Variants in FKTN observed in about 807,000 individuals in gnomAD.
FKTN encodes the protein ribitol-5-phosphate transferase FKTN.
In FKTN, 47 loss-of-function variants were observed where a neutral mutation model predicts 58.6. The ratio of observed to expected loss-of-function variants is 0.80; its 90% CI spans 0.63 to 1.02. The LOEUF (loss-of-function observed/expected upper bound fraction) is 1.02. Among genes scored for constraint, FKTN ranks in the 50% least tolerant of loss-of-function variants. The pLI, the probability that FKTN is intolerant of heterozygous loss-of-function variation, is 0.00. For synonymous variants in FKTN, 178 were observed against 191.9 expected, an observed-to-expected ratio of 0.93 and a Z score of 0.60; for missense variants, 516 against 537.3, an observed-to-expected ratio of 0.96 and a Z score of 0.39.
At chr9:105,626,981 C>CTTTTTTTTTTTT (rs60710867) in intron 10 of FKTN, among the ~76,000 whole-genome samples, 1 of 128,026 alleles carries the variant, frequency 7.8e-6, no homozygotes, top group African/African-American at 3.0e-5. Context: ...CTTCTTTATT[C>CTTTTTTTTTTTT]TTTTTTTTTT....
intron 3 of FKTN, among the ~76,000 whole-genome samples, chr9:105,595,727 C>T (rs1826659254): frequency 6.6e-6 from 1 of 152,092 alleles, no homozygotes; most frequent in African/African-American, 2.4e-5. Context: ...GGACTTTGTC[C>T]CTCCCCTTGA....
In FKTN at chr9:105,608,393, G is replaced by T. The variant is rs112569399; in HGVS notation, c.780+442G>T. Reference sequence around the variant, plus strand: ...TTTTGCATTTATGAAGGTTTTTGAAGATAAATGCTACACAAAGACCAGGTG... The same window carrying T: ...TTTTGCATTTATGAAGGTTTTTGAATATAAATGCTACACAAAGACCAGGTG... On this transcript the variant is annotated intron_variant, in intron 7 of 10. Transcript: ENST00000357998. 6.9e-3 allele frequency among the ~76,000 whole-genome samples: 1,048 copies of T among 152,246 alleles called. 6 individuals carry two copies. The highest frequency in any genetic ancestry group is 0.01 in the Non-Finnish European group (709 of 68,002).
At chr9:105,565,685 C>A (rs1023175213) in intron 1 of FKTN, among the ~76,000 whole-genome samples, 2 of 152,126 alleles carry the variant, frequency 1.3e-5, no homozygotes. Context: ...CTTAGACTCC[C>A]ATACAATAAT....
chr9:105,560,640 T>G (rs545512504), intron 1 of FKTN, among the ~76,000 whole-genome samples: 4 of 152,248 alleles, frequency 2.6e-5, no homozygotes, highest in African/African-American at 9.6e-5. Context: ...ATTTTACATA[T>G]GTACATACAT....
intron 3 of FKTN, among the ~76,000 whole-genome samples, chr9:105,576,391 C>A (rs1425400932): frequency 1.3e-5 from 2 of 151,874 alleles, no homozygotes; most frequent in Non-Finnish European, 2.9e-5. Context: ...TTGTTCATTT[C>A]CCACCTATGA....
chr9:105,625,684 A>G (rs563553341), intron 10 of FKTN, among the ~76,000 whole-genome samples: 1 of 152,202 alleles, frequency 6.6e-6, no homozygotes, highest in African/African-American at 2.4e-5. Context: ...AAAATAACAT[A>G]TAAGTTTATA....
chr9:105,617,903 A>G (rs1588203475), intron 8 of FKTN, 56 bp from the exon 9 acceptor site: 1 of 1,092,012 alleles, frequency 9.2e-7, no homozygotes, highest in East Asian at 2.6e-5. Context: ...ATTTGTTATA[A>G]TAACTAATTT....
At chr9:105,592,941 T>C (rs1960023) in intron 3 of FKTN, among the ~76,000 whole-genome samples, 89,435 of 152,056 alleles carry the variant, frequency 0.59, 26,513 homozygotes, top group East Asian at 0.7. Context: ...AACTTTCCCT[T>C]TGCCTATTAC....
In FKTN at chr9:105,562,004, ATCTC is replaced by A. The variant is rs142602824; in HGVS notation, c.-181+3843_-181+3846del. 4.3e-3 allele frequency among the ~76,000 whole-genome samples: 644 copies of A among 151,018 alleles called. 3 individuals carry two copies. The highest frequency in any genetic ancestry group is 0.015 in the African/African-American group (615 of 41,040). On this transcript the variant is annotated intron_variant, in intron 1 of 10. Transcript: ENST00000357998. ...TTTATGCCTGCCAATCTGCTACATC[ATCTC>A]TCTAACTATACCTTTTCCTAATTAC...
chr9:105,604,384 GT>G lies in FKTN; in HGVS notation c.540del (p.Ser180ArgfsTer10). The stretch of plus-strand genomic sequence containing the variant: ...CACTTGGTAGTCTTTCATGAGAGGA[GT>G]GGCAACTACCTCTGGCACGGCCACT... ...AIHLVVFHER[S>X]GNYLWHGHLR... On this transcript the variant is annotated frameshift_variant, in exon 6 of 11. Transcript: ENST00000357998. LOFTEE classifies it high-confidence loss of function. The G allele has an allele frequency of 6.2e-7, 1 of 1,614,024 alleles. No homozygotes were observed. Among genetic ancestry groups the G allele is most frequent in the Non-Finnish European group, 8.5e-7 (1 of 1,179,872 alleles).
At chr9:105,629,171 G>A (rs923781442) in intron 10 of FKTN, among the ~76,000 whole-genome samples, 3 of 151,990 alleles carry the variant, frequency 2.0e-5, no homozygotes, top group African/African-American at 4.8e-5. Context: ...AGATAAGCCT[G>A]GGCAACATAG....
intron 3 of FKTN, among the ~76,000 whole-genome samples, chr9:105,576,433 T>C (rs1169947426): frequency 6.6e-6 from 1 of 151,774 alleles, no homozygotes; most frequent in Non-Finnish European, 1.5e-5. Context: ...TTTTTTGTTC[T>C]TACGATAGTT....
intron 4 of FKTN, among the ~76,000 whole-genome samples, chr9:105,599,758 C>A (rs1465199265): frequency 6.6e-6 from 1 of 152,148 alleles, no homozygotes; most frequent in African/African-American, 2.4e-5. Flanking sequence ...CCTGCCTTGA[C>A]CTCCCACAGT....
At chr9:105,587,283 C>T (rs1844082805) in intron 3 of FKTN, among the ~76,000 whole-genome samples, 1 of 151,876 alleles carries the variant, frequency 6.6e-6, no homozygotes, top group Non-Finnish European at 1.5e-5. Flanking sequence ...ATTTAGTAGC[C>T]TATGTATGTT....
intron 7 of FKTN, among the ~76,000 whole-genome samples, chr9:105,614,146 T>C (rs951278177): frequency 6.6e-6 from 1 of 152,168 alleles, no homozygotes; most frequent in Non-Finnish European, 1.5e-5. Flanking sequence ...GAAGTTTAGA[T>C]TTTGTCCCAC....
intron 1 of FKTN, among the ~76,000 whole-genome samples, chr9:105,566,327 CA>C (rs1411697139): frequency 2.6e-5 from 4 of 152,100 alleles, no homozygotes; most frequent in Non-Finnish European, 4.4e-5. Context: ...GATACAGACA[CA>C]AAAAACCCTT....
intron 9 of FKTN, among the ~76,000 whole-genome samples, chr9:105,619,115 T>A (rs1325316377): frequency 1.3e-5 from 2 of 151,938 alleles, no homozygotes; most frequent in East Asian, 3.9e-4. Context: ...TCATAAATAG[T>A]TATTTTATGT....
intron 1 of FKTN, among the ~76,000 whole-genome samples, chr9:105,566,321 C>T (rs1183628564): frequency 6.6e-6 from 1 of 151,932 alleles, no homozygotes; most frequent in Non-Finnish European, 1.5e-5. Flanking sequence ...GCAGGAGATA[C>T]AGACACAAAA....
At chr9:105,602,632 T>C (rs1444378196) in intron 5 of FKTN, among the ~76,000 whole-genome samples, 1 of 152,250 alleles carries the variant, frequency 6.6e-6, no homozygotes, top group Non-Finnish European at 1.5e-5. Context: ...CTCTGTTCAC[T>C]GCAATCTCCG....
Sources: allele counts gnomAD v4.1 joint callset (sites outside exome capture counted in the v4.1 genomes callset), GRCh38; gene constraint gnomAD v4.1.1; transcripts MANE v1.5; gene names NCBI Gene and HGNC (gene_info 2026-07-23, HGNC 2026-07-21).